The following TRPS1 variants were observed in gnomAD, a reference collection of about 807,000 sequenced individuals.
The protein encoded by TRPS1 is zinc finger transcription factor Trps1.
In TRPS1, 6 loss-of-function variants were observed where a neutral mutation model predicts 101.2. That is an observed-to-expected ratio of 0.06 (90% CI 0.03 to 0.12). The LOEUF is 0.12. TRPS1 is among the 10% of genes least tolerant of loss of function. The pLI is 1.00. For synonymous variants in TRPS1, 578 were observed against 589.8 expected, an observed-to-expected ratio of 0.98 and a Z score of 0.29; for missense variants, 1,363 against 1,567.0, an observed-to-expected ratio of 0.87 and a Z score of 2.20.
chr8:115,461,004 GTTTTGCCTGAGAGCT>G (rs1814153802), intron 5 of TRPS1, among the ~76,000 whole-genome samples: 1 of 152,106 alleles, frequency 6.6e-6, no homozygotes, highest in Non-Finnish European at 1.5e-5. Context: ...GTCACTAACA[GTTTTGCCTGAGAGCT>G]TCACGCAAGG....
At chr8:115,634,516 T>C (rs1818722967) in intron 1 of TRPS1, among the ~76,000 whole-genome samples, 1 of 152,174 alleles carries the variant, frequency 6.6e-6, no homozygotes, top group South Asian at 2.1e-4. Flanking sequence ...CAGCATTTCA[T>C]AGTAACAGTT....
intron 5 of TRPS1, among the ~76,000 whole-genome samples, chr8:115,524,479 C>A (rs1169216942): frequency 1.3e-5 from 2 of 151,916 alleles, no homozygotes; most frequent in Non-Finnish European, 2.9e-5. Flanking sequence ...CGCCACCACG[C>A]CCAGCTAATT....
intron 5 of TRPS1, among the ~76,000 whole-genome samples, chr8:115,475,690 G>T (rs987810111): frequency 6.6e-6 from 1 of 152,036 alleles, no homozygotes; most frequent in African/African-American, 2.4e-5. Context: ...GTGCTATCTC[G>T]ACGATTACAA....
At chr8:115,506,018 A>G (rs1815434812) in intron 5 of TRPS1, among the ~76,000 whole-genome samples, 1 of 152,144 alleles carries the variant, frequency 6.6e-6, no homozygotes, top group African/African-American at 2.4e-5. Flanking sequence ...AATGTATATT[A>G]GAAAATAAAA....
At chr8:115,650,762 T>C (rs943494321) in intron 1 of TRPS1, among the ~76,000 whole-genome samples, 1 of 152,202 alleles carries the variant, frequency 6.6e-6, no homozygotes, top group African/African-American at 2.4e-5. Context: ...TGGCTATCAC[T>C]GAGGGAAACG....
intron 4 of TRPS1, among the ~76,000 whole-genome samples, chr8:115,589,182 G>A (rs1031852662): frequency 1.2e-4 from 18 of 152,114 alleles, no homozygotes; most frequent in African/African-American, 4.3e-4. Context: ...GTGTGAGGAA[G>A]AATGTCAACT....
At chr8:115,652,219 G>A (rs972241417) in intron 1 of TRPS1, among the ~76,000 whole-genome samples, 14 of 152,142 alleles carry the variant, frequency 9.2e-5, no homozygotes, top group African/African-American at 3.4e-4. Flanking sequence ...CAGATGGAAA[G>A]ACCACTGGGG....
At chr8:115,583,217 G>A (rs933318481) in intron 5 of TRPS1, among the ~76,000 whole-genome samples, 14 of 152,044 alleles carry the variant, frequency 9.2e-5, no homozygotes, top group African/African-American at 3.4e-4. Context: ...TAATACAGTT[G>A]CATCTGCATA....
chr8:115,523,429 T>C (rs1326754433), intron 5 of TRPS1, among the ~76,000 whole-genome samples: 2 of 152,098 alleles, frequency 1.3e-5, no homozygotes, highest in Non-Finnish European at 2.9e-5. Context: ...GAAAGTTTAG[T>C]ATCTGGAAAG....
At chr8:115,417,221 T>C (rs1323933638) in intron 6 of TRPS1, among the ~76,000 whole-genome samples, 3 of 152,154 alleles carry the variant, frequency 2.0e-5, no homozygotes, top group African/African-American at 7.2e-5. Flanking sequence ...ATTGCTATGC[T>C]TAAATGGTGA....
chr8:115,483,550 A>T (rs986249262), intron 5 of TRPS1, among the ~76,000 whole-genome samples: 26 of 151,714 alleles, frequency 1.7e-4, no homozygotes, highest in Admixed American at 3.3e-4. Context: ...AAAAAAAAAA[A>T]AATTAATTGT....
chr8:115,485,513 T>A (rs967635071), intron 5 of TRPS1, among the ~76,000 whole-genome samples: 2 of 152,202 alleles, frequency 1.3e-5, no homozygotes, highest in East Asian at 1.9e-4. Flanking sequence ...CACACAGCAA[T>A]AGAACATACG....
chr8:115,554,939 A>C (rs971372193), intron 5 of TRPS1, among the ~76,000 whole-genome samples: 4 of 152,076 alleles, frequency 2.6e-5, no homozygotes, highest in Admixed American at 2.0e-4. Context: ...CCAGTTTGAC[A>C]ATGAGCATGA....
intron 5 of TRPS1, among the ~76,000 whole-genome samples, chr8:115,552,946 G>T (rs572912473): frequency 5.4e-4 from 82 of 151,926 alleles, no homozygotes; most frequent in Non-Finnish European, 6.6e-4. Flanking sequence ...TAGTACAATG[G>T]TCACAGACTA....
intron 1 of TRPS1, among the ~76,000 whole-genome samples, chr8:115,662,534 A>C (rs1408827017): frequency 6.6e-6 from 1 of 152,040 alleles, no homozygotes; most frequent in Non-Finnish European, 1.5e-5. Context: ...CCCAAGGAAG[A>C]GAACACTAGC....
At chr8:115,491,209 A>G (rs917256990) in intron 5 of TRPS1, among the ~76,000 whole-genome samples, 6 of 152,172 alleles carry the variant, frequency 3.9e-5, no homozygotes, top group East Asian at 1.9e-4. Flanking sequence ...ATTACGTTTG[A>G]GGAGACCTTT....
chr8:115,415,320 A>C (rs1009787312), intron 6 of TRPS1, among the ~76,000 whole-genome samples: 1 of 152,180 alleles, frequency 6.6e-6, no homozygotes, highest in African/African-American at 2.4e-5. Context: ...TGAAAACTTT[A>C]ATCTACTTGA....
intron 1 of TRPS1, among the ~76,000 whole-genome samples, chr8:115,660,283 T>G (rs1811762412): frequency 6.6e-6 from 1 of 152,042 alleles, no homozygotes; most frequent in Non-Finnish European, 1.5e-5. Flanking sequence ...ATTTGTAAGC[T>G]TTATACATTC....
chr8:115,486,508 C>T (rs542305073), intron 5 of TRPS1, among the ~76,000 whole-genome samples: 1 of 152,366 alleles, frequency 6.6e-6, no homozygotes. Context: ...AAAACTGAGA[C>T]AGGCCGAAAG....
Sources: allele counts gnomAD v4.1 joint callset (sites outside exome capture counted in the v4.1 genomes callset), GRCh38; gene constraint gnomAD v4.1.1; transcripts MANE v1.5; gene names NCBI Gene and HGNC (gene_info 2026-07-23, HGNC 2026-07-21).